SGK1: variants seen among roughly 807,000 people sequenced by gnomAD.
SGK1 encodes serum/glucocorticoid regulated kinase 1.
A neutral mutation model predicts 64.2 loss-of-function variants in SGK1; 26 were observed. That is an observed-to-expected ratio of 0.40 (90% CI 0.30 to 0.56). The LOEUF (loss-of-function observed/expected upper bound fraction) is 0.56, where lower values mean the gene tolerates loss of function less well. Ranked by LOEUF, SGK1 falls within the 20% of genes least tolerant of loss-of-function variation. SGK1 has a pLI of 0.38. For synonymous variants in SGK1, 265 were observed against 239.7 expected (o/e 1.11, Z -0.98); for missense variants, 519 against 645.6 (o/e 0.80, Z 2.12).
chr6:134,287,699 T>G (rs910519222), intron 1 of SGK1, among the ~76,000 whole-genome samples: 1 of 152,094 alleles, frequency 6.6e-6, no homozygotes, highest in Non-Finnish European at 1.5e-5. Flanking sequence ...AATGTGATAA[T>G]GACTTAATAA....
intron 1 of SGK1, among the ~76,000 whole-genome samples, chr6:134,287,821 C>A (rs897992322): frequency 6.6e-6 from 1 of 151,920 alleles, no homozygotes; most frequent in Non-Finnish European, 1.5e-5. Flanking sequence ...ACATAGGGGA[C>A]CCTGTGCTCT....
chr6:134,170,589 T>A, intron 13 of SGK1, 154 bp from the exon 14 acceptor site: 1 of 729,992 alleles, frequency 1.4e-6, no homozygotes. Flanking sequence ...CTACACACAG[T>A]TAAACATAAG....
intron 2 of SGK1, among the ~76,000 whole-genome samples, chr6:134,215,477 A>C (rs1775964106): frequency 6.6e-6 from 1 of 152,106 alleles, no homozygotes; most frequent in Non-Finnish European, 1.5e-5. Context: ...AATTCCATGA[A>C]TTGTTTCCAG....
chr6:134,206,429 C>A (rs1775787265), intron 3 of SGK1, among the ~76,000 whole-genome samples: 1 of 129,320 alleles, frequency 7.7e-6, no homozygotes, highest in African/African-American at 3.0e-5. Context: ...AGGTAATGTG[C>A]AGACATCATA....
intron 3 of SGK1, chr6:134,175,669 G>A: frequency 6.7e-7 from 1 of 1,486,380 alleles, no homozygotes; most frequent in Non-Finnish European, 9.0e-7. Flanking sequence ...CATGGGCAGC[G>A]GGCGGCGGGG....
chr6:134,175,487 C>G (rs1775202839), intron 3 of SGK1: 2 of 1,368,162 alleles, frequency 1.5e-6, no homozygotes, highest in South Asian at 1.7e-5. Flanking sequence ...GCCCCTGCCT[C>G]CAAGCCGCTC....
chr6:134,308,635 C>A (rs576650082), intron 1 of SGK1, among the ~76,000 whole-genome samples: 1 of 152,296 alleles, frequency 6.6e-6, no homozygotes, highest in Admixed American at 6.5e-5. Context: ...CAGCTCACTG[C>A]AACCTCCACC....
At chr6:134,260,470 G>T (rs1776750741) in intron 2 of SGK1, 1 of 150,666 alleles carries the variant, frequency 6.6e-6, no homozygotes. Context: ...TTGGGAGTTT[G>T]ACACCAGCCT....
Position 134,298,075 on chromosome 6 carries a change from T to C in SGK1, c.69+19317A>G, listed in dbSNP as rs190934696. 2.3e-4 allele frequency: 296 copies of C among 1,295,052 alleles called. No individual in the cohort carries two copies. The African/African-American group carries it at 3.7e-3, about 16-fold the overall frequency. 80.2% of individuals were successfully genotyped at this position (1,295,052 alleles called of 1,614,324 possible). A position where few individuals can be genotyped will look rare whatever the true frequency, so the allele number is the denominator to read the frequency against. On this transcript the variant is annotated intron_variant, in intron 1 of 13. Coordinates refer to ENST00000367858, the MANE Select transcript of SGK1 (RefSeq NM_001143676.3). ...GGAAGTTGATCTCGTCAGTCAGCCCTTCCAGGTGAGACTCCAGCTCTACCT... is the reference window on the plus strand; with the variant it reads ...GGAAGTTGATCTCGTCAGTCAGCCCCTCCAGGTGAGACTCCAGCTCTACCT...
At position 134,174,516 on chromosome 6, in the gene SGK1, G is replaced by A; in HGVS notation, c.432C>T (p.Cys144=). The change falls in exon 4 of 14, where the codon TGC becomes TGT. Residue 144 remains cysteine (C), a synonymous_variant. Coordinates refer to ENST00000367858, the MANE Select transcript of SGK1 (RefSeq NM_001143676.3). ...TCAAATCCGGTCAAACTTACTGTTT[G>A]CATGCATAGGAGTTATTGGCAATCT... ...IQKIANNSYA[C]KHPEVQSILK... 1.9e-6 allele frequency: 3 copies of A among 1,610,684 alleles called. No individual in the cohort carries two copies. The highest frequency in any genetic ancestry group is 1.1e-5 in the South Asian group (1 of 91,030).
At chr6:134,297,959 G>A (rs1445930539) in intron 1 of SGK1, 14 of 810,284 alleles carry the variant, frequency 1.7e-5, no homozygotes, top group African/African-American at 8.4e-5. Flanking sequence ...TGCCGTCCAT[G>A]TCCGGGGAGC....
chr6:134,174,204 C>T, intron 4 of SGK1, 124 bp from the exon 5 acceptor site: 1 of 677,664 alleles, frequency 1.5e-6, no homozygotes, highest in Non-Finnish European at 2.6e-6. Flanking sequence ...ACTGAAAATA[C>T]CCCAATACAT....
Position 134,175,371 on chromosome 6 carries a change from T to A in SGK1, c.362-785A>T, listed in dbSNP as rs1582688381. 3.3e-5 allele frequency among the ~76,000 whole-genome samples: 5 copies of A among 151,632 alleles called. No homozygotes were observed. The South Asian group carries it at 1.0e-3, about 32-fold the overall frequency. On this transcript the variant is annotated intron_variant, in intron 3 of 13. Coordinates refer to ENST00000367858, the MANE Select transcript of SGK1 (RefSeq NM_001143676.3). ...CCCGAGCCGGCGGTGCGCGCCACCC[T>A]CCGGGGTTTATCCCTGGGGCGCAGG...
chr6:134,261,218 T>C (rs1554225548), intron 2 of SGK1: 1 of 152,294 alleles, frequency 6.6e-6, no homozygotes, highest in Non-Finnish European at 1.5e-5. Flanking sequence ...TAGTGCTCTG[T>C]AAATGGATCA....
intron 13 of SGK1, 135 bp downstream of exon 13, chr6:134,170,691 T>A: frequency 1.3e-6 from 1 of 750,844 alleles, no homozygotes; most frequent in Non-Finnish European, 2.2e-6. Context: ...AATGTGCTTT[T>A]TATGTAGGTA....
rs55870107 is a variant in SGK1 at position 134,220,058 on chromosome 6, C to CAA, written c.286-12629_286-12628dup. Reference sequence around the variant, plus strand: ...TGGGCGACAGAGCGAGACTCCGTCTCAAAAAAAAAAAAAAAAAAAAAAAAA... The same window carrying CAA: ...TGGGCGACAGAGCGAGACTCCGTCTCAAAAAAAAAAAAAAAAAAAAAAAAAAA... On this transcript the variant is annotated intron_variant, in intron 2 of 13. Transcript: ENST00000367858. Among the ~76,000 whole-genome samples, 111 of 61,334 alleles carry CAA rather than the reference C, an allele frequency of 1.8e-3. 8 individuals are homozygous for CAA. Among genetic ancestry groups the CAA allele is most frequent in the African/African-American group, 0.011 (99 of 9,176 alleles). 40.2% of individuals were successfully genotyped at this position (61,334 alleles called of 152,430 possible).
At chr6:134,192,662 C>T (rs781674030) in intron 3 of SGK1, among the ~76,000 whole-genome samples, 1 of 151,064 alleles carries the variant, frequency 6.6e-6, no homozygotes, top group Non-Finnish European at 1.5e-5. Context: ...CTCTGCCTCC[C>T]GGGTTCAAGC....
intron 2 of SGK1, among the ~76,000 whole-genome samples, chr6:134,214,366 G>A (rs1457280490): frequency 3.3e-5 from 5 of 152,206 alleles, no homozygotes; most frequent in Middle Eastern, 3.4e-3. Context: ...CGAGGCAGGC[G>A]GATCAACTGA....
At chr6:134,177,457 T>C (rs1383074386) in intron 3 of SGK1, among the ~76,000 whole-genome samples, 1 of 152,184 alleles carries the variant, frequency 6.6e-6, no homozygotes. Flanking sequence ...ACCTGGTTCC[T>C]TTCCCTCTTG....
Sources: gnomAD v4.1 joint callset for allele counts (sites outside exome capture counted in the v4.1 genomes callset) on GRCh38, gnomAD v4.1.1 for gene constraint, MANE v1.5 for transcripts, NCBI Gene and HGNC (gene_info 2026-07-23, HGNC 2026-07-21) for gene names.